The following CLN3 variants were observed in gnomAD, a reference collection of about 807,000 sequenced individuals.
The protein encoded by CLN3 is battenin.
CLN3 carries 49 observed loss-of-function variants against 60.7 expected under a neutral mutation model. That is an observed-to-expected ratio of 0.81 (90% CI 0.64 to 1.02). The LOEUF is 1.02. Among genes scored for constraint, CLN3 ranks in the 50% least tolerant of loss-of-function variants. CLN3 has a pLI of 0.00. For missense variants in CLN3, 516 were observed against 557.4 expected (o/e 0.93, Z 0.75); for synonymous variants, 256 against 245.8 (o/e 1.04, Z -0.39).
At position 28,484,047 on chromosome 16, in the gene CLN3, C is replaced by A. The variant is rs374217931; in HGVS notation, c.749G>T (p.Arg250Leu). 1 of 1,612,244 alleles carries A rather than the reference C, an allele frequency of 6.2e-7. No homozygotes were observed. Among genetic ancestry groups the A allele is most frequent in the East Asian group, 2.2e-5 (1 of 44,848 alleles). Reference protein sequence around the residue: ...GGEEEAESAARQPLIRTEAPE... With the variant: ...GGEEEAESAALQPLIRTEAPE... ...GGCCTCGGTTCTTATGAGGGGCTGC[C>A]GGGCTGCGCTCTCTGCTTCTTCTTC... Residue 250 changes from arginine (R) to leucine (L), a missense_variant, in exon 10 of 16, where the codon CGG (arginine) becomes CTG (leucine). Physicochemically the swap from Arg to Leu is moderately radical, Grantham distance 102 (BLOSUM62 -2). Coordinates refer to ENST00000636147, the MANE Select transcript of CLN3 (RefSeq NM_001042432.2).
intron 9 of CLN3, 36 bp from the exon 10 acceptor site, chr16:28,484,154 A>G (rs2046163270): frequency 2.0e-6 from 3 of 1,516,244 alleles, no homozygotes; most frequent in Non-Finnish European, 2.7e-6. Context: ...AGAAAACCCT[A>G]CTGGCTGGGA....
chr16:28,486,532 G>C lies in CLN3; in HGVS notation c.534-42C>G, dbSNP rs1433387565. 3.7e-6 allele frequency: 6 copies of C among 1,608,284 alleles called. No individual in the cohort carries two copies. In the East Asian group the frequency reaches 1.3e-4, roughly 36 times the overall value. The stretch of plus-strand genomic sequence containing the variant: ...AGGAACATTCAGGAGGACCTAGGCT[G>C]ACCATGGGACAGCCTCTCCCCACAC... On this transcript the variant is annotated intron_variant, in intron 8 of 15. Coordinates refer to ENST00000636147, the MANE Select transcript of CLN3 (RefSeq NM_001042432.2).
At chr16:28,491,583 T>A (rs1007059658) in intron 2 of CLN3, 23 bp from the exon 3 acceptor site, 2 of 1,613,750 alleles carry the variant, frequency 1.2e-6, no homozygotes, top group South Asian at 2.2e-5. Context: ...GAAGAGGGCA[T>A]GACCCCCACC....
intron 1 of CLN3, 32 bp downstream of exon 1, chr16:28,491,988 C>T: frequency 1.6e-6 from 1 of 625,712 alleles, no homozygotes; most frequent in Non-Finnish European, 2.9e-6. Flanking sequence ...TCTCCCCCGC[C>T]CCGTCTACAG....
Position 28,487,681 on chromosome 16 carries a change from G to T in CLN3, c.355C>A (p.Leu119Ile). 1 of 1,613,936 alleles carries T rather than the reference G, an allele frequency of 6.2e-7. No homozygotes were observed. ...LVIKLLAPLG[L>I]HLLPYSPRVL... ...CCAGACCTGTAGGGCAGCAGGTGAA[G>T]GCCAAGAGGAGCCAACAATTTGATG... is the stretch of plus-strand genomic sequence containing the variant. The change falls in exon 6 of 16, where the codon CTT becomes ATT. Residue 119 changes from leucine (L) to isoleucine (I), a missense_variant. Physicochemically the swap from Leu to Ile is conservative, Grantham distance 5. Coordinates refer to ENST00000636147, the MANE Select transcript of CLN3 (RefSeq NM_001042432.2).
rs74016815 is a variant in CLN3, at chr16:28,477,932, G to A, written c.1057-55C>T. Reference sequence around the variant, plus strand: ...GACCAGGGCGGGGCAGGGAAGGAGAGGTGGCCTCCCCTCCAGGGGTCCCTG... The same window carrying A: ...GACCAGGGCGGGGCAGGGAAGGAGAAGTGGCCTCCCCTCCAGGGGTCCCTG... On this transcript the variant is annotated intron_variant, in intron 14 of 15. Coordinates refer to ENST00000636147, the MANE Select transcript of CLN3 (RefSeq NM_001042432.2). 3.0e-3 allele frequency: 4,764 copies of A among 1,600,198 alleles called. 94 individuals carry two copies. In the African/African-American group the frequency reaches 0.048, roughly 16 times the overall value.
rs1486957290 is a variant in CLN3 at position 28,484,147 on chromosome 16, A to G, written c.678-29T>C. The G allele has an allele frequency of 2.6e-6, 4 of 1,545,692 alleles. No homozygotes were observed. In the African/African-American group the frequency reaches 5.4e-5, roughly 21 times the overall value. On this transcript the variant is annotated intron_variant, in intron 9 of 15. Transcript: ENST00000636147. The stretch of plus-strand genomic sequence containing the variant: ...GGAGTAGGATGAAGGCAGGGTCAGA[A>G]AACCCTACTGGCTGGGAAGGTCCCC...
At chr16:28,487,566 G>A in intron 6 of CLN3, 25 bp from the exon 7 acceptor site, 1 of 1,606,450 alleles carries the variant, frequency 6.2e-7, no homozygotes, top group Non-Finnish European at 8.5e-7. Context: ...AGGGAAGGGA[G>A]GGGGAAGGTC....
Position 28,477,723 on chromosome 16 carries a change from C to G in CLN3, c.1197+14G>C. 1 of 1,614,138 alleles carries G rather than the reference C, an allele frequency of 6.2e-7. No individual in the cohort carries two copies. Among genetic ancestry groups the G allele is most frequent in the Non-Finnish European group, 8.5e-7 (1 of 1,180,036 alleles). On this transcript the variant is annotated intron_variant, in intron 15 of 15. Transcript: ENST00000636147. ...GGACAGGCCACCCCCAGCCCTTGCCCGGCCAATGCTGACCTCCAGGGCGAT... is the reference window on the plus strand; with the variant it reads ...GGACAGGCCACCCCCAGCCCTTGCCGGGCCAATGCTGACCTCCAGGGCGAT...
chr16:28,487,519 T>C lies in CLN3; in HGVS notation c.397A>G (p.Ile133Val), dbSNP rs1295659689. The change falls in exon 7 of 16, where the codon ATT becomes GTT. Residue 133 changes from isoleucine (I) to valine (V), a missense_variant. Coordinates refer to ENST00000636147, the MANE Select transcript of CLN3 (RefSeq NM_001042432.2). The stretch of plus-strand genomic sequence containing the variant: ...AGGACGAAGCTTCCAGCAGCACAAA[T>C]CCCACTGACGAGAACCCGGGGGCTG... The part of the protein sequence containing the change: ...PYSPRVLVSG[I>V]CAAGSFVLVA... 1 of 1,613,282 alleles carries C rather than the reference T, an allele frequency of 6.2e-7. No homozygotes were observed. The highest frequency in any genetic ancestry group is 1.7e-5 in the Admixed American group (1 of 59,870).
At chr16:28,490,687 G>A (rs1390968795) in intron 3 of CLN3, among the ~76,000 whole-genome samples, 1 of 149,752 alleles carries the variant, frequency 6.7e-6, no homozygotes, top group Admixed American at 6.7e-5. Flanking sequence ...GTGAACCTGG[G>A]AGGCGGAGTT....
intron 14 of CLN3, among the ~76,000 whole-genome samples, chr16:28,478,928 G>C (rs2046042783): frequency 6.6e-6 from 1 of 152,098 alleles, no homozygotes; most frequent in Admixed American, 6.6e-5. Context: ...GGAGTAGCCG[G>C]GCATCCTATT....
intron 9 of CLN3, chr16:28,484,886 T>A (rs1477288221): frequency 6.6e-6 from 1 of 152,102 alleles, no homozygotes; most frequent in African/African-American, 2.4e-5. Context: ...CTTTTTCTAC[T>A]TAGACTTGTC....
At chr16:28,470,751 G>C (rs1278131349), downstream of CLN3, among the ~76,000 whole-genome samples, 17 of 150,592 alleles carry the variant, frequency 1.1e-4, no homozygotes, top group African/African-American at 3.9e-4. Flanking sequence ...GAAAGGATCC[G>C]GTTCAAATTA....
chr16:28,477,852 G>C lies in CLN3; in HGVS notation c.1082C>G (p.Ala361Gly). The part of the protein sequence containing the change: ...LQCLNLVFLL[A>G]DVWFGFLPSI... ...TGGCAGAAAGCCGAACCACACGTCT[G>C]CCAGCAGGAACACCAGGTTGAGGCA... Residue 361 changes from alanine (A) to glycine (G), a missense_variant, in exon 15 of 16, where the codon GCA becomes GGA. Physicochemically the swap from Ala to Gly is moderately conservative, Grantham distance 60 (BLOSUM62 0). Transcript: ENST00000636147. 1 of 1,614,122 alleles carries C rather than the reference G, an allele frequency of 6.2e-7. No homozygotes were observed. Among genetic ancestry groups the C allele is most frequent in the Non-Finnish European group, 8.5e-7 (1 of 1,180,038 alleles).
At position 28,488,628 on chromosome 16, in the gene CLN3, C is replaced by T; in HGVS notation, c.257G>A (p.Ser86Asn). ...AGAGTTGCAGTCAAATCGTGATGAGCTGTTGTGGGGGATCGGCGTTGGGCC... is the reference window on the plus strand; with the variant it reads ...AGAGTTGCAGTCAAATCGTGATGAGTTGTTGTGGGGGATCGGCGTTGGGCC... ...DPGPTPIPHN[S>N]SSRFDCNSVS... The change falls in exon 5 of 16, where the codon AGC becomes AAC. Residue 86 changes from serine (S) to asparagine (N), a missense_variant. Physicochemically the swap from Ser to Asn is conservative, Grantham distance 46. Coordinates refer to ENST00000636147, the MANE Select transcript of CLN3 (RefSeq NM_001042432.2). 3 of 1,614,154 alleles carry T rather than the reference C, an allele frequency of 1.9e-6. No individual in the cohort carries two copies. The highest frequency in any genetic ancestry group is 1.1e-5 in the South Asian group (1 of 91,092).
intron 9 of CLN3, 112 bp downstream of exon 9, chr16:28,486,235 G>T: frequency 1.4e-6 from 2 of 1,388,772 alleles, no homozygotes; most frequent in Non-Finnish European, 2.0e-6. Context: ...TAGGCGATCT[G>T]CCCTCCTTGG....
chr16:28,483,689 T>G (rs1019660443), intron 10 of CLN3, among the ~76,000 whole-genome samples: 3 of 144,648 alleles, frequency 2.1e-5, no homozygotes, highest in African/African-American at 7.8e-5. Context: ...CCTTCTTCTC[T>G]CCCTCCCTTC....
At chr16:28,486,252 A>T in intron 9 of CLN3, 95 bp downstream of exon 9, 1 of 1,550,000 alleles carries the variant, frequency 6.5e-7, no homozygotes, top group Non-Finnish European at 8.8e-7. Context: ...TTGGCCTCCC[A>T]AAGTGCTGGG....
Sources: allele counts gnomAD v4.1 joint callset (sites outside exome capture counted in the v4.1 genomes callset), GRCh38; gene constraint gnomAD v4.1.1; transcripts MANE v1.5; gene names NCBI Gene and HGNC (gene_info 2026-07-23, HGNC 2026-07-21).